FCAR: variants seen among roughly 807,000 people sequenced by gnomAD.
The protein encoded by FCAR is immunoglobulin alpha Fc receptor.
In FCAR, 21 loss-of-function variants were observed where a neutral mutation model predicts 27.1. That is an observed-to-expected ratio of 0.77 (90% CI 0.55 to 1.11). FCAR has a LOEUF of 1.11. Ranked by LOEUF, FCAR falls within the 50% of genes most tolerant of loss-of-function variation. The pLI is 0.00. For missense variants in FCAR, 404 were observed against 358.4 expected (o/e 1.13, Z -1.03); for synonymous variants, 134 against 135.8 (o/e 0.99, Z 0.09).
chr19:54,885,817 G>T lies in FCAR; in HGVS notation c.361+292G>T, dbSNP rs188896195. ...TTCTCTGTTCCAGGATCCCATTCAA[G>T]ATTTCACATTGCGGCTGGGAGTGGT... On this transcript the variant is annotated intron_variant, in intron 3 of 4. Transcript: ENST00000355524. Among the ~76,000 whole-genome samples, 73 of 152,322 alleles carry T rather than the reference G, an allele frequency of 4.8e-4. 2 individuals carry two copies. The East Asian group carries it at 0.013, about 27-fold the overall frequency.
chr19:54,874,505 G>C (rs77191214), intron 1 of FCAR, among the ~76,000 whole-genome samples, 182 bp downstream of exon 1: 1,601 of 152,252 alleles, frequency 0.011, 31 homozygotes, highest in African/African-American at 0.036. Flanking sequence ...GCCCAAGCTA[G>C]CTTGTGGGGC....
chr19:54,878,874 C>CT lies in FCAR; in HGVS notation c.70+3531dup, dbSNP rs57952503. 2.6e-3 allele frequency among the ~76,000 whole-genome samples: 201 copies of CT among 76,088 alleles called. 2 individuals are homozygous for CT. The highest frequency in any genetic ancestry group is 4.7e-3 in the South Asian group (12 of 2,572). 49.9% of individuals were successfully genotyped at this position (76,088 alleles called of 152,430 possible). On this transcript the variant is annotated intron_variant, in intron 2 of 4. Coordinates refer to ENST00000355524, the MANE Select transcript of FCAR (RefSeq NM_002000.4). ...ATAGGCAGCATAATGTTGAGTCTTG[C>CT]TTTTTTTTTTTTTTTTTTTTTTGAG...
intron 2 of FCAR, among the ~76,000 whole-genome samples, chr19:54,879,907 A>G (rs2066317250): frequency 6.6e-6 from 1 of 152,082 alleles, no homozygotes; most frequent in East Asian, 1.9e-4. Flanking sequence ...GGATGGTCTC[A>G]ATCTCCTGAC....
intron 2 of FCAR, among the ~76,000 whole-genome samples, chr19:54,876,837 C>T (rs936614191): frequency 1.3e-5 from 2 of 152,120 alleles, no homozygotes; most frequent in South Asian, 2.1e-4. Flanking sequence ...AGGAGAATGG[C>T]GTGAATCCAG....
chr19:54,886,824 C>T (rs12975083), intron 3 of FCAR, among the ~76,000 whole-genome samples: 40,940 of 152,116 alleles, frequency 0.27, 5,998 homozygotes, highest in Admixed American at 0.41. Context: ...GGAAATTGTC[C>T]GATGTTTTGC....
At chr19:54,882,364 T>A (rs2066469192) in intron 2 of FCAR, among the ~76,000 whole-genome samples, 1 of 152,134 alleles carries the variant, frequency 6.6e-6, no homozygotes, top group African/African-American at 2.4e-5. Context: ...TTCATCTCAA[T>A]GTAGCTAAGA....
At position 54,890,594 on chromosome 19, in the gene FCAR, C is replaced by A. The variant is rs2067025867; in HGVS notation, c.*731C>A. On this transcript the variant is annotated 3_prime_UTR_variant, in exon 5 of 5. Transcript: ENST00000355524. ...AGGCTCCCACCATCACGCCCAGCTA[C>A]TTTTACAGTATTTTTAGTAGAGACG... 1 of 151,466 alleles carries A rather than the reference C, an allele frequency of 6.6e-6. No individual in the cohort carries two copies. Among genetic ancestry groups the A allele is most frequent in the African/African-American group, 2.4e-5 (1 of 41,248 alleles). 9.4% of individuals were successfully genotyped at this position (151,466 alleles called of 1,614,324 possible). A position where few individuals can be genotyped will look rare whatever the true frequency, so the allele number is the denominator to read the frequency against.
intron 3 of FCAR, among the ~76,000 whole-genome samples, chr19:54,886,092 G>GA (rs1342362515): frequency 6.6e-6 from 1 of 151,842 alleles, no homozygotes; most frequent in African/African-American, 2.4e-5. Flanking sequence ...ACTAAAAATG[G>GA]AAAAAATTGG....
At chr19:54,879,857 A>G (rs2145859947) in intron 2 of FCAR, among the ~76,000 whole-genome samples, 1 of 151,842 alleles carries the variant, frequency 6.6e-6, no homozygotes, top group East Asian at 1.9e-4. Context: ...CTAATTTTTT[A>G]TATTTTTTTA....
chr19:54,874,515 C>T (rs887354376), intron 1 of FCAR, among the ~76,000 whole-genome samples, 192 bp downstream of exon 1: 30 of 152,058 alleles, frequency 2.0e-4, no homozygotes, highest in African/African-American at 7.0e-4. Context: ...GCTTGTGGGG[C>T]TCAAGGTTTA....
At position 54,890,743 on chromosome 19, in the gene FCAR, TA is replaced by T. The variant is rs1387313939; in HGVS notation, c.*883del. 1 of 152,180 alleles carries T rather than the reference TA, an allele frequency of 6.6e-6. No homozygotes were observed. Among genetic ancestry groups the T allele is most frequent in the Non-Finnish European group, 1.5e-5 (1 of 68,038 alleles). 9.4% of individuals were successfully genotyped at this position (152,180 alleles called of 1,614,324 possible). A position where few individuals can be genotyped will look rare whatever the true frequency, so the allele number is the denominator to read the frequency against. The stretch of plus-strand genomic sequence containing the variant: ...GCGCCCAGCCTTCTTTTTATATTTT[TA>T]AATGTGTCTTCCCCAAATATAAATG... On this transcript the variant is annotated 3_prime_UTR_variant, in exon 5 of 5. Coordinates refer to ENST00000355524, the MANE Select transcript of FCAR (RefSeq NM_002000.4).
At position 54,887,987 on chromosome 19, in the gene FCAR, C is replaced by G; in HGVS notation, c.362-20C>G. 3 of 1,571,984 alleles carry G rather than the reference C, an allele frequency of 1.9e-6. No individual in the cohort carries two copies. The highest frequency in any genetic ancestry group is 2.6e-6 in the Non-Finnish European group (3 of 1,155,522). ...AAAGGAGAAAAGGTCTTTCTAATAG[C>G]TCACTCTTTTCTCTCTTAGGCTTGT... On this transcript the variant is annotated intron_variant, in intron 3 of 4. Transcript: ENST00000355524.
intron 3 of FCAR, 125 bp downstream of exon 3, chr19:54,885,650 G>A (rs999889753): frequency 7.3e-6 from 5 of 685,668 alleles, no homozygotes; most frequent in Non-Finnish European, 1.2e-5. Flanking sequence ...AGAGTTCTCA[G>A]CCATCTGGCA....
intron 2 of FCAR, among the ~76,000 whole-genome samples, 183 bp from the exon 3 acceptor site, chr19:54,885,052 C>A (rs368702348): frequency 1.3e-5 from 2 of 152,178 alleles, no homozygotes; most frequent in African/African-American, 4.8e-5. Context: ...GTGATCCACC[C>A]GCCTCGGCCT....
At chr19:54,887,868 G>C (rs1178005059) in intron 3 of FCAR, 139 bp from the exon 4 acceptor site, 2 of 596,916 alleles carry the variant, frequency 3.4e-6, no homozygotes, top group South Asian at 6.0e-5. Context: ...AGTGAGCTGA[G>C]ATCACGCCAC....
At position 54,889,711 on chromosome 19, in the gene FCAR, C is replaced by T. The variant is rs2066964597; in HGVS notation, c.712C>T (p.Leu238Phe). 2.5e-6 allele frequency: 4 copies of T among 1,614,150 alleles called. No homozygotes were observed. The highest frequency in any genetic ancestry group is 3.4e-6 in the Non-Finnish European group (4 of 1,180,004). ...CCGCATGGCCGTGGCAGGACTGGTC[C>T]TCGTGGCTCTCTTGGCCATACTGGT... ...LIRMAVAGLV[L>F]VALLAILVEN... Residue 238 changes from leucine to phenylalanine, a missense_variant, in exon 5 of 5, where the codon CTC becomes TTC. Leu to Phe is a conservative substitution (Grantham distance 22). Coordinates refer to ENST00000355524, the MANE Select transcript of FCAR (RefSeq NM_002000.4).
intron 2 of FCAR, among the ~76,000 whole-genome samples, chr19:54,880,269 A>G (rs1308389165): frequency 4.0e-5 from 6 of 151,672 alleles, no homozygotes. Flanking sequence ...CTTTTTCTTC[A>G]TTTTTGTCTG....
chr19:54,880,377 C>T (rs903679632), intron 2 of FCAR, among the ~76,000 whole-genome samples: 12 of 152,154 alleles, frequency 7.9e-5, no homozygotes, highest in Non-Finnish European at 1.2e-4. Flanking sequence ...TATGAAATCT[C>T]GTAGTGTGTT....
At chr19:54,874,428 G>A (rs1291806708) in intron 1 of FCAR, 105 bp downstream of exon 1, 1 of 1,147,004 alleles carries the variant, frequency 8.7e-7, no homozygotes, top group East Asian at 2.4e-5. Context: ...GGCTGCCAAG[G>A]AGATTCTGAT....
Sources: allele counts gnomAD v4.1 joint callset (sites outside exome capture counted in the v4.1 genomes callset), GRCh38; gene constraint gnomAD v4.1.1; transcripts MANE v1.5; gene names NCBI Gene and HGNC (gene_info 2026-07-23, HGNC 2026-07-21).